The following ACCS variants were observed in gnomAD, a reference collection of about 807,000 sequenced individuals.
The protein encoded by ACCS is 1-aminocyclopropane-1-carboxylate synthase homolog (inactive), also known as 1-aminocyclopropane-1-carboxylate synthase-like protein 1.
A neutral mutation model predicts 59.8 loss-of-function variants in ACCS; 42 were observed. The observed-to-expected ratio is 0.70, with a 90% CI of 0.55 to 0.91. The LOEUF (loss-of-function observed/expected upper bound fraction) is 0.91, where lower values mean the gene tolerates loss of function less well. Among genes scored for constraint, ACCS ranks in the 40% least tolerant of loss-of-function variants. The probability of loss-of-function intolerance (pLI) is 0.00; values close to 1 mark genes in which losing one functional copy is unlikely to be tolerated. For synonymous variants in ACCS, 230 were observed against 240.3 expected, an observed-to-expected ratio of 0.96 and a Z score of 0.40; for missense variants, 602 against 630.4, an observed-to-expected ratio of 0.95 and a Z score of 0.48.
At chr11:44,071,393 C>G in intron 3 of ACCS, 78 bp downstream of exon 3, 3 of 1,535,936 alleles carry the variant, frequency 2.0e-6, no homozygotes, top group South Asian at 1.1e-5. Context: ...CCAACAGGAG[C>G]CTGCTGCTTG....
Position 44,067,929 on chromosome 11 carries a change from C to T in ACCS, c.288+14C>T. 1 of 1,581,696 alleles carries T rather than the reference C, an allele frequency of 6.3e-7. No individual in the cohort carries two copies. The highest frequency in any genetic ancestry group is 8.6e-7 in the Non-Finnish European group (1 of 1,164,600). ...AAGAACCCCAGTGTGAGTGAAGCTC[C>T]CCTCCCACTGGGACCCAAGAGAGAA... is the stretch of plus-strand genomic sequence containing the variant. On this transcript the variant is annotated intron_variant, in intron 2 of 14. Coordinates refer to ENST00000263776, the MANE Select transcript of ACCS (RefSeq NM_032592.4).
In ACCS at chr11:44,078,747, C is replaced by T; in HGVS notation, c.796C>T (p.Pro266Ser). Residue 266 changes from proline (P) to serine (S), a missense_variant, in exon 9 of 15, where the codon CCT becomes TCT. Coordinates refer to ENST00000263776, the MANE Select transcript of ACCS (RefSeq NM_032592.4). ...PQNPLGDVYS[P>S]EELQEYLVFA... ...GAACCCTCTGGGTGATGTATACTCC[C>T]CTGAAGAGCTACAGGAGTACCTGGT... 1 of 1,614,066 alleles carries T rather than the reference C, an allele frequency of 6.2e-7. No homozygotes were observed. Among genetic ancestry groups the T allele is most frequent in the Non-Finnish European group, 8.5e-7 (1 of 1,180,010 alleles).
intron 3 of ACCS, 42 bp downstream of exon 3, chr11:44,071,357 G>A (rs1388717810): frequency 1.2e-6 from 2 of 1,603,972 alleles, no homozygotes; most frequent in Middle Eastern, 1.7e-4. Context: ...CCAGCTCCGA[G>A]GAGCTGTCTT....
chr11:44,071,630 G>T lies in ACCS; in HGVS notation c.348+315G>T, dbSNP rs193092817. Reference sequence around the variant, plus strand: ...TATTTAGCAATTAGCTCTTCAGGGGGACAAAAAAAGCCTGATGTGTAGTTT... The same window carrying T: ...TATTTAGCAATTAGCTCTTCAGGGGTACAAAAAAAGCCTGATGTGTAGTTT... On this transcript the variant is annotated intron_variant, in intron 3 of 14. Transcript: ENST00000263776. 1,584 of 256,090 alleles carry T rather than the reference G, an allele frequency of 6.2e-3. 11 individuals are homozygous for T. Among genetic ancestry groups the T allele is most frequent in the Middle Eastern group, 0.012 (10 of 810 alleles). 15.9% of individuals were successfully genotyped at this position (256,090 alleles called of 1,614,324 possible).
At chr11:44,066,860 C>T (rs144161096) in intron 1 of ACCS, among the ~76,000 whole-genome samples, 159 bp downstream of exon 1, 9 of 152,238 alleles carry the variant, frequency 5.9e-5, no homozygotes, top group Admixed American at 3.3e-4. Context: ...CAAGGAGTTA[C>T]GCTATAATGA....
chr11:44,078,659 C>A, intron 8 of ACCS, 25 bp from the exon 9 acceptor site: 1 of 1,610,328 alleles, frequency 6.2e-7, no homozygotes, highest in Non-Finnish European at 8.5e-7. Flanking sequence ...AGCTGAGGGT[C>A]TCCTGCCCTA....
Position 44,083,326 on chromosome 11 carries a change from G to A in ACCS, c.1254+15G>A, listed in dbSNP as rs751616115. The A allele has an allele frequency of 6.2e-7, 1 of 1,613,782 alleles. No individual in the cohort carries two copies. Among genetic ancestry groups the A allele is most frequent in the Non-Finnish European group, 8.5e-7 (1 of 1,179,712 alleles). Reference sequence around the variant, plus strand: ...ACTTGAGAAAGGTAATGCTGGTGGAGGTGCGGGCTGAGAGGGAGTTTCAGG... The same window carrying A: ...ACTTGAGAAAGGTAATGCTGGTGGAAGTGCGGGCTGAGAGGGAGTTTCAGG... On this transcript the variant is annotated intron_variant, in intron 13 of 14. Transcript: ENST00000263776.
At chr11:44,069,227 T>C (rs921563685) in intron 2 of ACCS, among the ~76,000 whole-genome samples, 2 of 148,024 alleles carry the variant, frequency 1.4e-5, no homozygotes, top group Non-Finnish European at 3.0e-5. Context: ...CCTTTTTCTT[T>C]TTCTTTTTTT....
rs1341062997 is a variant in ACCS, at chr11:44,071,242, C to T, written c.289-14C>T. 1.2e-6 allele frequency: 2 copies of T among 1,613,996 alleles called. No individual in the cohort carries two copies. The highest frequency in any genetic ancestry group is 4.5e-5 in the East Asian group (2 of 44,882). On this transcript the variant is annotated splice_polypyrimidine_tract_variant and intron_variant, in intron 2 of 14. Coordinates refer to ENST00000263776, the MANE Select transcript of ACCS (RefSeq NM_032592.4). ...CTGCCATGCTAACTCTGCCTCTGTA[C>T]CTCTCATCTCCAGGGCATCATTAAC...
At chr11:44,072,471 A>G (rs1265142171) in intron 3 of ACCS, 1 of 152,120 alleles carries the variant, frequency 6.6e-6, no homozygotes, top group Admixed American at 6.6e-5. Flanking sequence ...ATAGATTTTA[A>G]AGGCCTGTTT....
chr11:44,084,039 T>G lies in ACCS; in HGVS notation c.*247T>G. 1.4e-6 allele frequency: 1 copy of G among 692,160 alleles called. No homozygotes were observed. The highest frequency in any genetic ancestry group is 2.2e-6 in the Non-Finnish European group (1 of 458,040). 42.9% of individuals were successfully genotyped at this position (692,160 alleles called of 1,614,324 possible). On this transcript the variant is annotated 3_prime_UTR_variant, in exon 15 of 15. Transcript: ENST00000263776. ...AGAGTCCATATGTCTCCATTGTGAG[T>G]TATTTAGAATGGAGGAGTCGTGACT...
intron 1 of ACCS, chr11:44,067,309 G>A: frequency 3.9e-6 from 1 of 256,438 alleles, no homozygotes; most frequent in Non-Finnish European, 7.4e-6. Context: ...GAGCAAGGGT[G>A]GAAAAAGAAT....
At chr11:44,067,410 A>G (rs1952839795) in intron 1 of ACCS, 1 of 513,698 alleles carries the variant, frequency 1.9e-6, no homozygotes, top group Admixed American at 3.7e-5. Flanking sequence ...TCAATGTGGC[A>G]AGTGCAGTCC....
At chr11:44,078,326 T>G in intron 8 of ACCS, 1 of 313,078 alleles carries the variant, frequency 3.2e-6, no homozygotes. Context: ...AGACCAGTAT[T>G]CCAGTGGTTC....
In ACCS at chr11:44,084,024, T is replaced by C. The variant is rs1953758928; in HGVS notation, c.*232T>C. 2.5e-6 allele frequency: 2 copies of C among 784,808 alleles called. No individual in the cohort carries two copies. The highest frequency in any genetic ancestry group is 3.8e-6 in the Non-Finnish European group (2 of 528,834). 48.6% of individuals were successfully genotyped at this position (784,808 alleles called of 1,614,324 possible). A position where few individuals can be genotyped will look rare whatever the true frequency, so the allele number is the denominator to read the frequency against. On this transcript the variant is annotated 3_prime_UTR_variant, in exon 15 of 15. Coordinates refer to ENST00000263776, the MANE Select transcript of ACCS (RefSeq NM_032592.4). ...TTAAACAAAACTAGGAGAGTCCATA[T>C]GTCTCCATTGTGAGTTATTTAGAAT...
chr11:44,077,413 G>A (rs1256916741), intron 7 of ACCS, 37 bp downstream of exon 7: 1 of 1,612,164 alleles, frequency 6.2e-7, no homozygotes, highest in South Asian at 1.1e-5. Context: ...ACCTGGGCCT[G>A]CCTGTGGTCA....
chr11:44,081,162 G>A lies in ACCS; in HGVS notation c.970-17G>A, dbSNP rs200171378. The stretch of plus-strand genomic sequence containing the variant: ...CCATGGAGGGCTGGCCACCGCCTAG[G>A]GTGCTTCTTCCTGCAGGACTTCGGG... On this transcript the variant is annotated splice_polypyrimidine_tract_variant and intron_variant, in intron 11 of 14. Coordinates refer to ENST00000263776, the MANE Select transcript of ACCS (RefSeq NM_032592.4). The A allele has an allele frequency of 8.1e-6, 13 of 1,614,210 alleles. No individual in the cohort carries two copies. Among genetic ancestry groups the A allele is most frequent in the Non-Finnish European group, 1.1e-5 (13 of 1,180,040 alleles).
chr11:44,079,393 T>G (rs1197345800), intron 9 of ACCS, 138 bp from the exon 10 acceptor site: 6 of 634,158 alleles, frequency 9.5e-6, no homozygotes, highest in Non-Finnish European at 1.7e-5. Context: ...GAAAGAATGG[T>G]GTTCTTGGAA....
rs572931721 is a variant in ACCS, at chr11:44,066,537, C to T, written c.-165C>T. On this transcript the variant is annotated 5_prime_UTR_variant, in exon 1 of 15. Coordinates refer to ENST00000263776, the MANE Select transcript of ACCS (RefSeq NM_032592.4). ...GGTAGCCGCCCCACTTGCGGGATTC[C>T]AAGGCCTCATCGAGTGCGGGTATCT... 26 of 152,376 alleles carry T rather than the reference C, an allele frequency of 1.7e-4. No homozygotes were observed. Among genetic ancestry groups the T allele is most frequent in the African/African-American group, 6.3e-4 (26 of 41,590 alleles). 9.4% of individuals were successfully genotyped at this position (152,376 alleles called of 1,614,324 possible).
Sources: gnomAD v4.1 joint callset for allele counts (sites outside exome capture counted in the v4.1 genomes callset) on GRCh38, gnomAD v4.1.1 for gene constraint, MANE v1.5 for transcripts, NCBI Gene and HGNC (gene_info 2026-07-23, HGNC 2026-07-21) for gene names.